Variants in ZBTB7C observed in about 807,000 individuals in gnomAD.
ZBTB7C encodes the protein zinc finger and BTB domain containing 7C.
ZBTB7C carries 8 observed loss-of-function variants against 25.7 expected under a neutral mutation model. The ratio of observed to expected loss-of-function variants is 0.31; its 90% confidence interval spans 0.18 to 0.56. ZBTB7C has a LOEUF of 0.56. Ranked by LOEUF, ZBTB7C falls within the 20% of genes least tolerant of loss-of-function variation. The pLI is 0.91. For missense variants in ZBTB7C, 824 were observed against 855.2 expected (o/e 0.96, Z 0.46); for synonymous variants, 394 against 369.0 (o/e 1.07, Z -0.78).
At chr18:48,331,911 T>A (rs946350790) in intron 2 of ZBTB7C, among the ~76,000 whole-genome samples, 4 of 152,212 alleles carry the variant, frequency 2.6e-5, no homozygotes, top group African/African-American at 9.7e-5. Context: ...TTGTGTATGT[T>A]GTTCACTAAA....
At chr18:48,063,437 G>A (rs1260569372) in intron 3 of ZBTB7C, among the ~76,000 whole-genome samples, 1 of 152,196 alleles carries the variant, frequency 6.6e-6, no homozygotes, top group Non-Finnish European at 1.5e-5. Flanking sequence ...TCTGCCCTGG[G>A]GCTCCCAGAG....
At chr18:48,151,128 C>G (rs2040663836) in intron 3 of ZBTB7C, among the ~76,000 whole-genome samples, 1 of 152,162 alleles carries the variant, frequency 6.6e-6, no homozygotes, top group African/African-American at 2.4e-5. Context: ...AATCAGTGCC[C>G]TCCTTCAGGT....
At chr18:48,137,401 G>GT (rs1449971383) in intron 3 of ZBTB7C, 6 of 923,692 alleles carry the variant, frequency 6.5e-6, no homozygotes, top group African/African-American at 1.8e-5. Flanking sequence ...CCTCCGTTTT[G>GT]TTTTTTGTGG....
At position 48,029,500 on chromosome 18, in the gene ZBTB7C, G is replaced by A. The variant is rs2035640357; in HGVS notation, c.1620C>T (p.Gly540=). Residue 540 remains glycine (G), a synonymous_variant, in exon 5 of 5, where the codon GGC becomes GGT. Transcript: ENST00000590800. ...PAKHFLAAPK[G]ALSLQELERQ... is the part of the protein sequence containing the mutation. ...GCTCCAGCTCTTGCAGGCTCAGGGC[G>A]CCCTTGGGCGCTGCCAGGAAGTGCT... 1.3e-6 allele frequency: 2 copies of A among 1,590,724 alleles called. No homozygotes were observed. Among genetic ancestry groups the A allele is most frequent in the Admixed American group, 1.7e-5 (1 of 58,314 alleles).
chr18:48,240,633 G>C (rs1487887794), intron 2 of ZBTB7C, among the ~76,000 whole-genome samples: 1 of 152,092 alleles, frequency 6.6e-6, no homozygotes, highest in African/African-American at 2.4e-5. Context: ...GTCTTTTTCA[G>C]ACAAACAAAT....
At chr18:48,266,300 G>A (rs1459319141) in intron 2 of ZBTB7C, among the ~76,000 whole-genome samples, 5 of 152,074 alleles carry the variant, frequency 3.3e-5, no homozygotes, top group Admixed American at 2.0e-4. Flanking sequence ...TCCAGGAGGC[G>A]ACTGAGAAGG....
intron 3 of ZBTB7C, among the ~76,000 whole-genome samples, chr18:48,051,928 C>G (rs67466227): frequency 0.42 from 63,221 of 151,678 alleles, 13,827 homozygotes; most frequent in East Asian, 0.52. Flanking sequence ...TTCTAGGGGG[C>G]AGTGGGGGGA....
intron 2 of ZBTB7C, among the ~76,000 whole-genome samples, chr18:48,191,505 T>C (rs2042194199): frequency 6.6e-6 from 1 of 152,268 alleles, no homozygotes; most frequent in Non-Finnish European, 1.5e-5. Context: ...CCAGCAAGGC[T>C]GGCTTTTCCC....
chr18:48,136,485 T>C (rs1404824963), intron 3 of ZBTB7C, among the ~76,000 whole-genome samples: 1 of 152,180 alleles, frequency 6.6e-6, no homozygotes, highest in Non-Finnish European at 1.5e-5. Flanking sequence ...CCCTCGACTT[T>C]TGCCAAGTTG....
At chr18:48,376,921 T>C (rs145856784) in intron 1 of ZBTB7C, among the ~76,000 whole-genome samples, 37 of 152,294 alleles carry the variant, frequency 2.4e-4, no homozygotes, top group Non-Finnish European at 4.9e-4. Flanking sequence ...CAGACATTGT[T>C]AGGTAGTAAC....
chr18:48,037,714 C>G (rs1049798779), intron 4 of ZBTB7C, among the ~76,000 whole-genome samples: 9 of 152,210 alleles, frequency 5.9e-5, no homozygotes, highest in Non-Finnish European at 1.0e-4. Flanking sequence ...GAGTCACCAG[C>G]CTCGGTCTCC....
intron 2 of ZBTB7C, among the ~76,000 whole-genome samples, chr18:48,332,397 C>T (rs763897995): frequency 6.6e-6 from 1 of 152,164 alleles, no homozygotes. Context: ...CAGTGTCCTC[C>T]CTTTCACATG....
At chr18:48,369,879 C>G (rs545778093) in intron 1 of ZBTB7C, among the ~76,000 whole-genome samples, 2 of 152,130 alleles carry the variant, frequency 1.3e-5, no homozygotes, top group African/African-American at 2.4e-5. Context: ...CCCAACAACA[C>G]CATCAACCAA....
intron 2 of ZBTB7C, among the ~76,000 whole-genome samples, chr18:48,317,852 T>A (rs2045986602): frequency 6.6e-6 from 1 of 152,172 alleles, no homozygotes; most frequent in Non-Finnish European, 1.5e-5. Context: ...ACCCTGTAGG[T>A]CTGGGGTGGG....
intron 2 of ZBTB7C, among the ~76,000 whole-genome samples, chr18:48,276,318 A>T (rs1359756658): frequency 1.4e-5 from 2 of 140,316 alleles, no homozygotes; most frequent in Non-Finnish European, 3.1e-5. Flanking sequence ...TATTTATTAT[A>T]CTTTAAGTTT....
At chr18:48,354,551 T>C (rs550658331) in intron 1 of ZBTB7C, among the ~76,000 whole-genome samples, 1 of 152,282 alleles carries the variant, frequency 6.6e-6, no homozygotes, top group African/African-American at 2.4e-5. Flanking sequence ...TCCCCAAATA[T>C]GCCTTAAGGG....
chr18:48,154,359 G>T (rs2040769939), intron 3 of ZBTB7C, among the ~76,000 whole-genome samples: 1 of 152,220 alleles, frequency 6.6e-6, no homozygotes, highest in African/African-American at 2.4e-5. Flanking sequence ...GCAGGCAGGG[G>T]CACAGCCCTG....
intron 4 of ZBTB7C, among the ~76,000 whole-genome samples, chr18:48,035,493 A>G (rs1385303054): frequency 6.6e-6 from 1 of 152,206 alleles, no homozygotes; most frequent in African/African-American, 2.4e-5. Context: ...GCAAGGGGCA[A>G]GTCTCTATGG....
chr18:48,263,256 T>G (rs184702252), intron 2 of ZBTB7C, among the ~76,000 whole-genome samples: 26 of 152,352 alleles, frequency 1.7e-4, no homozygotes, highest in African/African-American at 5.8e-4. Context: ...TCAGCCCACG[T>G]GGATCTTTCT....
Sources: allele counts gnomAD v4.1 joint callset (sites outside exome capture counted in the v4.1 genomes callset), GRCh38; gene constraint gnomAD v4.1.1; transcripts MANE v1.5; gene names NCBI Gene and HGNC (gene_info 2026-07-23, HGNC 2026-07-21).